Variants in SAMD12 observed in about 807,000 individuals in gnomAD.
The protein encoded by SAMD12 is sterile alpha motif domain-containing protein 12.
Under a neutral mutation model 15.0 loss-of-function variants are expected in SAMD12, and 9 were observed. The ratio of observed to expected loss-of-function variants is 0.60; its 90% CI spans 0.36 to 1.05. The LOEUF (loss-of-function observed/expected upper bound fraction) is 1.05. Ranked by LOEUF, SAMD12 falls within the 50% of genes least tolerant of loss-of-function variation. The pLI, the probability that SAMD12 is intolerant of heterozygous loss-of-function variation, is 0.01. For synonymous variants in SAMD12, 86 were observed against 90.1 expected (o/e 0.96, Z 0.25); for missense variants, 230 against 234.2 (o/e 0.98, Z 0.12).
intron 2 of SAMD12, among the ~76,000 whole-genome samples, chr8:118,555,538 A>C (rs1333968472): frequency 6.6e-6 from 1 of 152,240 alleles, no homozygotes. Context: ...TCCCAGGGAC[A>C]CTACATACAA....
At chr8:118,526,784 G>A (rs1247503719) in intron 2 of SAMD12, among the ~76,000 whole-genome samples, 3 of 152,144 alleles carry the variant, frequency 2.0e-5, no homozygotes, top group South Asian at 2.1e-4. Context: ...GAGGGGAAAG[G>A]AGCCTCCATA....
chr8:118,607,591 C>T (rs376586746), intron 1 of SAMD12, among the ~76,000 whole-genome samples: 1 of 152,192 alleles, frequency 6.6e-6, no homozygotes, highest in African/African-American at 2.4e-5. Context: ...AACTCTACTG[C>T]TTACTAGCTG....
chr8:118,276,339 T>C (rs928563130), intron 4 of SAMD12, among the ~76,000 whole-genome samples: 2 of 152,256 alleles, frequency 1.3e-5, no homozygotes, highest in African/African-American at 4.8e-5. Flanking sequence ...GCCTGAAGAA[T>C]GTTAACTTTG....
At chr8:118,394,478 A>T (rs1820447152) in intron 3 of SAMD12, among the ~76,000 whole-genome samples, 1 of 152,238 alleles carries the variant, frequency 6.6e-6, no homozygotes, top group Non-Finnish European at 1.5e-5. Flanking sequence ...GTATTGCCAA[A>T]ATCCTGGACA....
intron 4 of SAMD12, among the ~76,000 whole-genome samples, chr8:118,354,493 C>A (rs6469741): frequency 0.25 from 38,192 of 152,058 alleles, 5,058 homozygotes; most frequent in Admixed American, 0.3. Context: ...GCTCAGGTTT[C>A]TTCCTTCCTG....
intron 4 of SAMD12, among the ~76,000 whole-genome samples, chr8:118,203,712 C>T (rs1406995664): frequency 6.6e-6 from 1 of 151,286 alleles, no homozygotes; most frequent in African/African-American, 2.4e-5. Flanking sequence ...GGTATATCTC[C>T]TAATGCTATC....
chr8:118,132,250 C>A, the SAMD12 span, among the ~76,000 whole-genome samples: 1 of 152,148 alleles, frequency 6.6e-6, no homozygotes, highest in African/African-American at 2.4e-5. Context: ...TGGATATATA[C>A]ATTATGAAGA....
rs1828417288 is a variant in SAMD12, at chr8:118,621,807, C to T, written c.10G>A (p.Glu4Lys). ...AAATGCCCCAAGCGTCCCTTACCTT[C>T]CACAGCCATTCTCTCAGAGCTTCCC... Reference protein sequence around the residue: MAVEALHCGLNPRG... With the variant: MAVKALHCGLNPRG... Residue 4 changes from glutamate (E) to lysine (K), a missense_variant, in exon 1 of 4, where the codon GAA (glutamate) becomes AAA (lysine). Physicochemically the swap from Glu to Lys is moderately conservative, Grantham distance 56. Transcript: ENST00000314727. 1.2e-6 allele frequency: 2 copies of T among 1,614,034 alleles called. No individual in the cohort carries two copies. Among genetic ancestry groups the T allele is most frequent in the Non-Finnish European group, 8.5e-7 (1 of 1,180,008 alleles).
intron 4 of SAMD12, among the ~76,000 whole-genome samples, chr8:118,356,480 C>T (rs907547482): frequency 1.3e-5 from 2 of 152,226 alleles, no homozygotes; most frequent in Admixed American, 6.5e-5. Flanking sequence ...TATATAAACG[C>T]CCACCTGCAG....
intron 3 of SAMD12, among the ~76,000 whole-genome samples, chr8:118,389,714 C>G (rs1387968364): frequency 1.4e-5 from 2 of 145,894 alleles, no homozygotes; most frequent in Non-Finnish European, 3.0e-5. Flanking sequence ...GACTCCATTT[C>G]AAAAAAGAAA....
chr8:118,542,558 C>A (rs377645556), intron 2 of SAMD12, among the ~76,000 whole-genome samples: 3 of 152,086 alleles, frequency 2.0e-5, no homozygotes, highest in Non-Finnish European at 4.4e-5. Flanking sequence ...TTCCCAACAT[C>A]ACTGCATAAG....
At chr8:118,387,204 CAG>C (rs910785124) in intron 3 of SAMD12, among the ~76,000 whole-genome samples, 13 of 152,124 alleles carry the variant, frequency 8.5e-5, no homozygotes, top group Admixed American at 7.9e-4. Context: ...AACAAAGAAA[CAG>C]AGAGGCAAAA....
intron 3 of SAMD12, among the ~76,000 whole-genome samples, chr8:118,420,449 G>A (rs958103286): frequency 7.2e-5 from 11 of 152,174 alleles, no homozygotes; most frequent in Admixed American, 5.2e-4. Context: ...CACATATACC[G>A]CATCCAGGGA....
At chr8:118,370,944 A>AC (rs1554644125) in intron 4 of SAMD12, among the ~76,000 whole-genome samples, 1 of 95,780 alleles carries the variant, frequency 1.0e-5, no homozygotes, top group East Asian at 2.4e-4. Flanking sequence ...GAACTTAAAT[A>AC]AAATTTTTTT....
downstream of SAMD12, among the ~76,000 whole-genome samples, chr8:118,373,128 A>C (rs1165474594): frequency 6.6e-6 from 1 of 152,188 alleles, no homozygotes; most frequent in Non-Finnish European, 1.5e-5. Context: ...CTGTGCACTA[A>C]AAATGGTGAA....
chr8:118,422,577 A>G (rs1822047889), intron 3 of SAMD12, among the ~76,000 whole-genome samples: 5 of 152,236 alleles, frequency 3.3e-5, no homozygotes, highest in Admixed American at 3.3e-4. Flanking sequence ...GAAGCTGACG[A>G]AAAACCTCAT....
chr8:118,607,787 T>C (rs1257539424), intron 1 of SAMD12, among the ~76,000 whole-genome samples: 1 of 152,180 alleles, frequency 6.6e-6, no homozygotes, highest in East Asian at 1.9e-4. Context: ...TCCTTATCTA[T>C]CCTACCCAGC....
intron 3 of SAMD12, among the ~76,000 whole-genome samples, chr8:118,420,603 G>C (rs1046825922): frequency 6.6e-6 from 1 of 152,078 alleles, no homozygotes; most frequent in Non-Finnish European, 1.5e-5. Flanking sequence ...ATAAATATTC[G>C]TATAGAGAAA....
At chr8:118,365,439 C>A (rs190069694) in intron 4 of SAMD12, among the ~76,000 whole-genome samples, 2 of 152,066 alleles carry the variant, frequency 1.3e-5, no homozygotes, top group Admixed American at 6.6e-5. Context: ...AGAACATGAA[C>A]GAAACAAAAA....
Sources: allele counts gnomAD v4.1 joint callset (sites outside exome capture counted in the v4.1 genomes callset), GRCh38; gene constraint gnomAD v4.1.1; transcripts MANE v1.5; gene names NCBI Gene and HGNC (gene_info 2026-07-23, HGNC 2026-07-21).